Variants in VWA3B observed in about 807,000 individuals in gnomAD.
VWA3B encodes von Willebrand factor A domain-containing protein 3B.
Under a neutral mutation model 158.3 loss-of-function variants are expected in VWA3B, and 138 were observed. That is an observed-to-expected ratio of 0.87 (90% CI 0.76 to 1.00). The LOEUF (loss-of-function observed/expected upper bound fraction) is 1.00. Among genes scored for constraint, VWA3B ranks in the 50% least tolerant of loss-of-function variants. The pLI is 0.00. For synonymous variants in VWA3B, 596 were observed against 587.3 expected (o/e 1.01, Z -0.21); for missense variants, 1,555 against 1,565.1 (o/e 0.99, Z 0.11).
chr2:98,255,748 G>A (rs564625998), intron 20 of VWA3B, among the ~76,000 whole-genome samples: 1 of 152,222 alleles, frequency 6.6e-6, no homozygotes, highest in Admixed American at 6.5e-5. Flanking sequence ...GAGAATCCAG[G>A]CAGAAGAGTG....
chr2:98,103,939 C>T lies in VWA3B; in HGVS notation c.196+10651C>T, dbSNP rs528575465. On this transcript the variant is annotated intron_variant, in intron 2 of 27. Transcript: ENST00000477737. Reference sequence around the variant, plus strand: ...TTGTTATGTTTTTCTAAGGACTTGACAAATTTTAATAATTCTGATATGTCA... The same window carrying T: ...TTGTTATGTTTTTCTAAGGACTTGATAAATTTTAATAATTCTGATATGTCA... Among the ~76,000 whole-genome samples, 11 of 152,254 alleles carry T rather than the reference C, an allele frequency of 7.2e-5. No individual in the cohort carries two copies. In the South Asian group the frequency reaches 1.5e-3, roughly 20 times the overall value.
intron 25 of VWA3B, among the ~76,000 whole-genome samples, chr2:98,302,452 G>T (rs1340235843): frequency 1.3e-5 from 2 of 152,200 alleles, no homozygotes; most frequent in Non-Finnish European, 2.9e-5. Context: ...AATGGAAAAT[G>T]ACATTGTTTT....
chr2:98,218,009 C>T lies in VWA3B; in HGVS notation c.2000C>T (p.Thr667Ile), dbSNP rs771504540. 9 of 1,610,828 alleles carry T rather than the reference C, an allele frequency of 5.6e-6. No homozygotes were observed. Among genetic ancestry groups the T allele is most frequent in the Non-Finnish European group, 8.5e-7 (1 of 1,178,546 alleles). Residue 667 changes from threonine to isoleucine, a missense_variant, in exon 14 of 28, where the codon ACT becomes ATT. Thr to Ile is a moderately conservative substitution (Grantham distance 89). Transcript: ENST00000477737. ...TATAATTTTGGTTGCAAGGATCCCA[C>T]TCCCCCAGAGGCTGTTCAGGTAAGA... ...HFYNFGCKDP[T>I]PPEAVQNEDL... is the part of the protein sequence containing the mutation.
At chr2:98,240,976 A>C in intron 19 of VWA3B, among the ~76,000 whole-genome samples, 1 of 152,210 alleles carries the variant, frequency 6.6e-6, no homozygotes. Context: ...CCAAACAGGA[A>C]AGCCAACATT....
intron 21 of VWA3B, among the ~76,000 whole-genome samples, chr2:98,259,369 T>C (rs1435664967): frequency 6.6e-6 from 1 of 151,740 alleles, no homozygotes; most frequent in Non-Finnish European, 1.5e-5. Context: ...AGTGAAGGCA[T>C]CTGCTTCTTA....
Position 98,230,145 on chromosome 2 carries a change from T to A in VWA3B, c.2246T>A (p.Met749Lys), listed in dbSNP as rs753367059. 2.5e-6 allele frequency: 4 copies of A among 1,611,280 alleles called. No homozygotes were observed. In the East Asian group the frequency reaches 8.9e-5, roughly 36 times the overall value. The change falls in exon 16 of 28, where the codon ATG (methionine) becomes AAG (lysine). Residue 749 changes from methionine to lysine, a missense_variant. Transcript: ENST00000477737. ...TCAACACAAACTTCATCTCTGAATA[T>A]GTTGAAGGGACCATGGGGCCTTTCA... ...VDSTQTSSLNMLKGPWGLSDQ... is the reference protein window; with the variant it reads ...VDSTQTSSLNKLKGPWGLSDQ...
At chr2:98,316,844 C>T (rs1486859216), downstream of VWA3B, among the ~76,000 whole-genome samples, 1 of 151,998 alleles carries the variant, frequency 6.6e-6, no homozygotes, top group Non-Finnish European at 1.5e-5. Context: ...TCTGCTCTGG[C>T]CTTGTAAGTA....
At chr2:98,177,194 C>T (rs1680083975) in intron 8 of VWA3B, among the ~76,000 whole-genome samples, 1 of 152,142 alleles carries the variant, frequency 6.6e-6, no homozygotes, top group African/African-American at 2.4e-5. Context: ...AGCATTTTCC[C>T]AGTAGGTCTT....
chr2:98,114,901 G>A (rs903807076), intron 2 of VWA3B, among the ~76,000 whole-genome samples: 3 of 152,146 alleles, frequency 2.0e-5, no homozygotes, highest in African/African-American at 4.8e-5. Context: ...ACAGATATTT[G>A]AATAGCTGAG....
At position 98,193,831 on chromosome 2, in the gene VWA3B, G is replaced by T. The variant is rs531987646; in HGVS notation, c.1606-530G>T. ...TCTCGATCTCCTGACCTCGTGATCCGCCCGCCTCGGCCTCCCAAAGTGCTG... is the reference window on the plus strand; with the variant it reads ...TCTCGATCTCCTGACCTCGTGATCCTCCCGCCTCGGCCTCCCAAAGTGCTG... On this transcript the variant is annotated intron_variant, in intron 11 of 27. Transcript: ENST00000477737. Among the ~76,000 whole-genome samples the T allele has an allele frequency of 5.9e-5, 9 of 151,848 alleles. 1 individual carries two copies. In the East Asian group the frequency reaches 1.5e-3, roughly 26 times the overall value.
At chr2:98,224,807 T>A (rs954940274) in intron 14 of VWA3B, among the ~76,000 whole-genome samples, 5 of 151,968 alleles carry the variant, frequency 3.3e-5, no homozygotes, top group African/African-American at 1.2e-4. Context: ...GAATCTCACT[T>A]TAATTCTACA....
At chr2:98,224,598 A>T (rs948186128) in intron 14 of VWA3B, among the ~76,000 whole-genome samples, 3 of 151,430 alleles carry the variant, frequency 2.0e-5, no homozygotes, top group African/African-American at 7.2e-5. Flanking sequence ...AGAAAAAAAA[A>T]GTTTAAATAA....
intron 16 of VWA3B, among the ~76,000 whole-genome samples, chr2:98,234,101 C>T (rs139616256): frequency 1.1e-4 from 17 of 152,322 alleles, no homozygotes; most frequent in African/African-American, 3.8e-4. Flanking sequence ...CTGCCCTGAA[C>T]CCTGCAATCT....
At position 98,119,533 on chromosome 2, in the gene VWA3B, G is replaced by A. The variant is rs1179064371; in HGVS notation, c.312G>A (p.Leu104=). 6.2e-7 allele frequency: 1 copy of A among 1,613,776 alleles called. No homozygotes were observed. The highest frequency in any genetic ancestry group is 1.1e-5 in the South Asian group (1 of 91,012). Residue 104 remains leucine, a synonymous_variant, in exon 4 of 28, where the codon CTG becomes CTA. Transcript: ENST00000477737. ...TTAAGCTGACAGCTAAATCAGAACT[G>A]ATTTATCAGTTTGTGGAACATTTAA... ...RVYNLTAKSE[L]IYQFVEHLTQ...
chr2:98,294,045 T>C (rs1190024948), intron 23 of VWA3B, among the ~76,000 whole-genome samples: 2 of 151,838 alleles, frequency 1.3e-5, no homozygotes, highest in Non-Finnish European at 2.9e-5. Flanking sequence ...TACATTCAGG[T>C]TATCATTGCC....
intron 26 of VWA3B, among the ~76,000 whole-genome samples, chr2:98,306,086 A>T (rs1270579917): frequency 6.6e-6 from 1 of 152,036 alleles, no homozygotes; most frequent in Non-Finnish European, 1.5e-5. Flanking sequence ...CTGTGCCTTC[A>T]CCAGATTAAG....
chr2:98,326,943 T>C, the VWA3B span, among the ~76,000 whole-genome samples: 1 of 151,618 alleles, frequency 6.6e-6, no homozygotes, highest in Non-Finnish European at 1.5e-5. Context: ...ATTTTAAGAA[T>C]TCTGACCTCT....
chr2:98,243,573 ATCCACCTGCCTCGCTCT>A (rs1483697101), intron 19 of VWA3B, among the ~76,000 whole-genome samples: 1 of 152,038 alleles, frequency 6.6e-6, no homozygotes, highest in Non-Finnish European at 1.5e-5. Context: ...TGACCTTGTG[ATCCACCTGCCTCGCTCT>A]TCCAAAGTGC....
chr2:98,277,699 T>A (rs1688609013), intron 22 of VWA3B, among the ~76,000 whole-genome samples: 1 of 151,824 alleles, frequency 6.6e-6, no homozygotes, highest in Non-Finnish European at 1.5e-5. Context: ...AAAGAGAGCG[T>A]TAGGAAAATG....
Sources: allele counts gnomAD v4.1 joint callset (sites outside exome capture counted in the v4.1 genomes callset), GRCh38; gene constraint gnomAD v4.1.1; transcripts MANE v1.5; gene names NCBI Gene and HGNC (gene_info 2026-07-23, HGNC 2026-07-21).